GRID2: variants seen among roughly 807,000 people sequenced by gnomAD.
The protein encoded by GRID2 is glutamate ionotropic receptor delta type subunit 2.
A neutral mutation model predicts 114.8 loss-of-function variants in GRID2; 33 were observed. The observed-to-expected ratio is 0.29, with a 90% confidence interval of 0.22 to 0.38. The LOEUF (loss-of-function observed/expected upper bound fraction) is 0.38, where lower values mean the gene tolerates loss of function less well. Among genes scored for constraint, GRID2 ranks in the 10% least tolerant of loss-of-function variants. The probability of loss-of-function intolerance (pLI) is 1.00; values close to 1 mark genes in which losing one functional copy is unlikely to be tolerated. For missense variants in GRID2, 1,184 were observed against 1,257.7 expected, an observed-to-expected ratio of 0.94 and a Z score of 0.89; for synonymous variants, 505 against 449.9, an observed-to-expected ratio of 1.12 and a Z score of -1.55.
At chr4:93,438,951 T>G (rs572111707) in intron 10 of GRID2, among the ~76,000 whole-genome samples, 4 of 151,922 alleles carry the variant, frequency 2.6e-5, no homozygotes, top group Non-Finnish European at 5.9e-5. Context: ...TTTGTCCTTG[T>G]GATAGTTTGC....
chr4:92,712,209 T>A (rs1481483488), intron 2 of GRID2, among the ~76,000 whole-genome samples: 1 of 152,206 alleles, frequency 6.6e-6, no homozygotes, highest in African/African-American at 2.4e-5. Flanking sequence ...TTATTCATAT[T>A]GCTAATTGGT....
chr4:93,122,409 A>C (rs1006087957), intron 4 of GRID2, among the ~76,000 whole-genome samples: 2 of 152,176 alleles, frequency 1.3e-5, no homozygotes. Context: ...AGTGTATTTG[A>C]AAGTATTATC....
At chr4:92,546,975 G>A (rs908351258) in intron 1 of GRID2, among the ~76,000 whole-genome samples, 1 of 152,108 alleles carries the variant, frequency 6.6e-6, no homozygotes, top group Admixed American at 6.6e-5. Context: ...TTTCAGTTAT[G>A]AGGTTCACAA....
intron 1 of GRID2, among the ~76,000 whole-genome samples, chr4:92,402,588 A>G (rs2110283629): frequency 6.6e-6 from 1 of 152,284 alleles, no homozygotes; most frequent in African/African-American, 2.4e-5. Flanking sequence ...AATATTTTTA[A>G]AGGAATCTTG....
At chr4:92,796,841 A>T (rs943493786) in intron 2 of GRID2, among the ~76,000 whole-genome samples, 1 of 151,810 alleles carries the variant, frequency 6.6e-6, no homozygotes, top group Non-Finnish European at 1.5e-5. Flanking sequence ...TAATGACTTC[A>T]CTTGTTCTCA....
At chr4:93,572,652 A>G (rs1736039043) in intron 13 of GRID2, among the ~76,000 whole-genome samples, 1 of 152,180 alleles carries the variant, frequency 6.6e-6, no homozygotes, top group Non-Finnish European at 1.5e-5. Context: ...TATGGTAAAT[A>G]TGATAGATAG....
At chr4:93,696,429 C>G (rs1727026771) in intron 14 of GRID2, among the ~76,000 whole-genome samples, 1 of 152,154 alleles carries the variant, frequency 6.6e-6, no homozygotes, top group Admixed American at 6.5e-5. Flanking sequence ...TACTCTCTTT[C>G]CAGCACTCAG....
At chr4:93,357,138 T>A (rs1183369026) in intron 8 of GRID2, among the ~76,000 whole-genome samples, 4 of 151,636 alleles carry the variant, frequency 2.6e-5, no homozygotes, top group Admixed American at 1.3e-4. Flanking sequence ...CTCTTACAGG[T>A]TATAACAATT....
At chr4:92,415,716 GT>G (rs1731564907) in intron 1 of GRID2, among the ~76,000 whole-genome samples, 1 of 107,776 alleles carries the variant, frequency 9.3e-6, no homozygotes, top group South Asian at 3.4e-4. Flanking sequence ...ATGTATGTGT[GT>G]GTGTGTGTGT....
intron 11 of GRID2, among the ~76,000 whole-genome samples, chr4:93,484,489 A>C (rs1726185531): frequency 6.6e-6 from 1 of 151,926 alleles, no homozygotes; most frequent in Admixed American, 6.6e-5. Flanking sequence ...GAAATTTAAC[A>C]GAGTTGAATT....
At chr4:92,782,337 T>G (rs1739123588) in intron 2 of GRID2, among the ~76,000 whole-genome samples, 1 of 152,102 alleles carries the variant, frequency 6.6e-6, no homozygotes, top group Non-Finnish European at 1.5e-5. Flanking sequence ...TTTTCAGACT[T>G]TTATTATTGT....
intron 4 of GRID2, among the ~76,000 whole-genome samples, chr4:93,156,687 AT>A (rs1488264565): frequency 1.7e-4 from 26 of 151,880 alleles, no homozygotes; most frequent in African/African-American, 5.3e-4. Flanking sequence ...AGTGATTTTG[AT>A]TTAGATCTAA....
rs542811444 is a variant in GRID2 at position 93,480,461 on chromosome 4, G to T, written c.1859-10178G>T. On this transcript the variant is annotated intron_variant, in intron 11 of 15. Transcript: ENST00000282020. ...CATACATATCAAGAAGCACCTTAAT[G>T]GTTTATAAAGTATAACCTGTAATTA... 2.0e-5 allele frequency among the ~76,000 whole-genome samples: 3 copies of T among 152,112 alleles called. No individual in the cohort carries two copies. The East Asian group carries it at 5.8e-4, about 30-fold the overall frequency.
At chr4:92,382,231 T>A (rs1445687777) in intron 1 of GRID2, among the ~76,000 whole-genome samples, 1 of 150,226 alleles carries the variant, frequency 6.7e-6, no homozygotes, top group Non-Finnish European at 1.5e-5. Context: ...ACTATATTTT[T>A]AAAGAGGAGC....
chr4:93,090,211 C>T (rs1250566533), intron 3 of GRID2, among the ~76,000 whole-genome samples: 1 of 152,124 alleles, frequency 6.6e-6, no homozygotes, highest in Non-Finnish European at 1.5e-5. Flanking sequence ...AGACTATAAA[C>T]AGGACTTTAA....
chr4:93,144,294 A>G (rs2149389272), intron 4 of GRID2, among the ~76,000 whole-genome samples: 1 of 152,330 alleles, frequency 6.6e-6, no homozygotes, highest in East Asian at 1.9e-4. Flanking sequence ...AGTTTGCTAA[A>G]TTCTTTATGT....
intron 2 of GRID2, among the ~76,000 whole-genome samples, chr4:92,729,051 G>A (rs950337630): frequency 1.3e-5 from 2 of 151,776 alleles, no homozygotes; most frequent in African/African-American, 4.8e-5. Context: ...ATTGTTGGGG[G>A]GTTTTCTTAG....
At position 92,666,670 on chromosome 4, in the gene GRID2, T is replaced by TC. The variant is rs1560520769; in HGVS notation, c.244+76385dup. Among the ~76,000 whole-genome samples the TC allele has an allele frequency of 2.9e-3, 385 of 133,072 alleles. 2 individuals are homozygous for TC. Among genetic ancestry groups the TC allele is most frequent in the Non-Finnish European group, 4.9e-3 (302 of 61,946 alleles). The allele number at this position is 133,072 out of a possible 152,430, so 87.3% of individuals were successfully genotyped here. A position where few individuals can be genotyped will look rare whatever the true frequency, so the allele number is the denominator to read the frequency against. ...GGGTTGTTTTTTTTTTTTTTTTTTT[T>TC]CAGATCTTTTCTGAGCCTGCATTTC... On this transcript the variant is annotated intron_variant, in intron 2 of 15. Coordinates refer to ENST00000282020, the MANE Select transcript of GRID2 (RefSeq NM_001510.4).
intron 1 of GRID2, among the ~76,000 whole-genome samples, chr4:92,359,109 C>G (rs1579235166): frequency 6.6e-6 from 1 of 151,924 alleles, no homozygotes; most frequent in East Asian, 1.9e-4. Flanking sequence ...TTGGCCTTAA[C>G]TAACTACCAA....
Sources: allele counts gnomAD v4.1 joint callset (sites outside exome capture counted in the v4.1 genomes callset), GRCh38; gene constraint gnomAD v4.1.1; transcripts MANE v1.5; gene names NCBI Gene and HGNC (gene_info 2026-07-23, HGNC 2026-07-21).